The following HCRTR2 variants were observed in gnomAD, a reference collection of about 807,000 sequenced individuals.
HCRTR2 encodes the protein orexin receptor type 2.
Under a neutral mutation model 49.0 loss-of-function variants are expected in HCRTR2, and 22 were observed. The observed-to-expected ratio is 0.45, with a 90% CI of 0.32 to 0.64. The LOEUF (loss-of-function observed/expected upper bound fraction) is 0.64, where lower values mean the gene tolerates loss of function less well. Ranked by LOEUF, HCRTR2 falls within the 30% of genes least tolerant of loss-of-function variation. The pLI is 0.04. For synonymous variants in HCRTR2, 236 were observed against 205.3 expected, an observed-to-expected ratio of 1.15 and a Z score of -1.28; for missense variants, 491 against 559.4, an observed-to-expected ratio of 0.88 and a Z score of 1.23.
rs72979936 is a variant in HCRTR2 at position 55,185,094 on chromosome 6, C to T, written c.223+10284C>T. The stretch of plus-strand genomic sequence containing the variant: ...AAACCATTTTGTTATTATATTAAAC[C>T]GAATCAACTTTTTATTATTAAAAAT... On this transcript the variant is annotated intron_variant, in intron 1 of 6. Transcript: ENST00000370862. Among the ~76,000 whole-genome samples, 1,242 of 152,102 alleles carry T rather than the reference C, an allele frequency of 8.2e-3. 7 individuals are homozygous for T. Among genetic ancestry groups the T allele is most frequent in the Non-Finnish European group, 0.012 (823 of 67,978 alleles).
chr6:55,128,971 A>G (rs1764318169), intron 1 of HCRTR2, among the ~76,000 whole-genome samples: 1 of 152,126 alleles, frequency 6.6e-6, no homozygotes, highest in South Asian at 2.1e-4. Context: ...CTGATACAGA[A>G]GACTTCTCAT....
At chr6:55,233,607 G>A (rs1280176978) in intron 1 of HCRTR2, among the ~76,000 whole-genome samples, 1 of 152,112 alleles carries the variant, frequency 6.6e-6, no homozygotes, top group Non-Finnish European at 1.5e-5. Flanking sequence ...TGAGGTGGAA[G>A]GATTACTTGA....
intron 1 of HCRTR2, among the ~76,000 whole-genome samples, chr6:55,244,630 T>G (rs184668292): frequency 1.3e-5 from 2 of 152,178 alleles, no homozygotes; most frequent in Admixed American, 1.3e-4. Flanking sequence ...ATGTTTACTT[T>G]GTACTTTTAC....
chr6:55,262,698 C>A (rs1303082645), intron 3 of HCRTR2, among the ~76,000 whole-genome samples: 2 of 138,608 alleles, frequency 1.4e-5, no homozygotes, highest in African/African-American at 5.3e-5. Context: ...TGTAGGGAAT[C>A]TGAATTTATT....
intron 1 of HCRTR2, among the ~76,000 whole-genome samples, chr6:55,124,216 A>G (rs1324164661): frequency 1.3e-5 from 2 of 151,872 alleles, no homozygotes; most frequent in African/African-American, 2.4e-5. Flanking sequence ...CAGAGTGTTG[A>G]TTTTAGATCT....
At chr6:55,199,155 T>C (rs905927576) in intron 1 of HCRTR2, among the ~76,000 whole-genome samples, 3 of 152,112 alleles carry the variant, frequency 2.0e-5, no homozygotes, top group Admixed American at 6.6e-5. Context: ...AAATGGGTAT[T>C]GTAATGACAA....
chr6:55,254,493 A>G (rs529490681), intron 2 of HCRTR2, among the ~76,000 whole-genome samples: 2 of 152,160 alleles, frequency 1.3e-5, no homozygotes, highest in Non-Finnish European at 2.9e-5. Flanking sequence ...TTGGAATCAC[A>G]TTGACTAGGC....
intron 1 of HCRTR2, among the ~76,000 whole-genome samples, chr6:55,159,697 G>T (rs1451983207): frequency 6.6e-6 from 1 of 152,032 alleles, no homozygotes; most frequent in Non-Finnish European, 1.5e-5. Context: ...GCATACACAG[G>T]TATCAATATC....
chr6:55,174,966 A>G (rs1176198267), intron 1 of HCRTR2, among the ~76,000 whole-genome samples, 156 bp downstream of exon 1: 1 of 151,866 alleles, frequency 6.6e-6, no homozygotes, highest in Non-Finnish European at 1.5e-5. Flanking sequence ...ATAATAATAG[A>G]AAGTTTTCTG....
At chr6:55,113,453 T>A (rs1430887653) in intron 1 of HCRTR2, among the ~76,000 whole-genome samples, 1 of 151,566 alleles carries the variant, frequency 6.6e-6, no homozygotes, top group Non-Finnish European at 1.5e-5. Flanking sequence ...AATAATCCCA[T>A]CCAAAAGTGG....
At chr6:55,255,068 A>G in intron 2 of HCRTR2, 68 bp from the exon 3 acceptor site, 1 of 1,550,100 alleles carries the variant, frequency 6.5e-7, no homozygotes, top group Non-Finnish European at 8.8e-7. Flanking sequence ...CTCATATAGT[A>G]AATATATTAA....
chr6:55,218,488 A>G (rs960325607), intron 1 of HCRTR2, among the ~76,000 whole-genome samples: 8 of 152,352 alleles, frequency 5.3e-5, no homozygotes, highest in Non-Finnish European at 1.2e-4. Context: ...AAAAAATACT[A>G]TATGCTGTCT....
intron 3 of HCRTR2, among the ~76,000 whole-genome samples, chr6:55,262,505 A>G (rs1766782619): frequency 1.5e-5 from 2 of 130,954 alleles, no homozygotes; most frequent in Non-Finnish European, 3.1e-5. Context: ...TATATATTAT[A>G]ATATAACTTA....
At chr6:55,240,290 G>A (rs1420877134) in intron 1 of HCRTR2, among the ~76,000 whole-genome samples, 2 of 147,864 alleles carry the variant, frequency 1.4e-5, no homozygotes, top group Admixed American at 7.0e-5. Context: ...CCCGGGAGGC[G>A]GAGCTTGCAG....
At chr6:55,157,209 C>T (rs2127260612) in intron 1 of HCRTR2, among the ~76,000 whole-genome samples, 1 of 152,220 alleles carries the variant, frequency 6.6e-6, no homozygotes, top group Non-Finnish European at 1.5e-5. Context: ...TCAAAAAACA[C>T]TTGTATTTCT....
chr6:55,240,759 T>G (rs1443620364), intron 1 of HCRTR2: 2 of 418,158 alleles, frequency 4.8e-6, no homozygotes, highest in Admixed American at 5.1e-5. Context: ...GTCTGGATAC[T>G]GTAATGATTT....
At chr6:55,175,132 T>G (rs996130094) in intron 1 of HCRTR2, among the ~76,000 whole-genome samples, 1 of 151,556 alleles carries the variant, frequency 6.6e-6, no homozygotes, top group Non-Finnish European at 1.5e-5. Context: ...TGTGTGTGTG[T>G]GTGGGTGGGT....
At chr6:55,112,081 CA>C (rs1321265923) in intron 1 of HCRTR2, among the ~76,000 whole-genome samples, 2 of 151,856 alleles carry the variant, frequency 1.3e-5, no homozygotes, top group Admixed American at 6.6e-5. Flanking sequence ...AAGCATTTGA[CA>C]AAATTCAGCA....
intron 1 of HCRTR2, among the ~76,000 whole-genome samples, chr6:55,158,119 T>C (rs1458644008): frequency 3.3e-5 from 5 of 152,076 alleles, no homozygotes; most frequent in Non-Finnish European, 5.9e-5. Flanking sequence ...GCTCCTCTCA[T>C]TGGGACTGGT....
Sources: gnomAD v4.1 joint callset for allele counts (sites outside exome capture counted in the v4.1 genomes callset) on GRCh38, gnomAD v4.1.1 for gene constraint, MANE v1.5 for transcripts, NCBI Gene and HGNC (gene_info 2026-07-23, HGNC 2026-07-21) for gene names.